BPTF: variants seen among roughly 807,000 people sequenced by gnomAD.
BPTF encodes the protein bromodomain PHD finger transcription factor.
Under a neutral mutation model 292.5 loss-of-function variants are expected in BPTF, and 18 were observed. The ratio of observed to expected loss-of-function variants is 0.06; its 90% CI spans 0.04 to 0.09. The LOEUF is 0.09. Among genes scored for constraint, BPTF ranks in the 10% least tolerant of loss-of-function variants. The pLI is 1.00. For missense variants in BPTF, 2,726 were observed against 3,498.7 expected, an observed-to-expected ratio of 0.78 and a Z score of 5.57; for synonymous variants, 1,225 against 1,251.9, an observed-to-expected ratio of 0.98 and a Z score of 0.45.
chr17:67,959,508 T>TA, intron 23 of BPTF, 33 bp from the exon 24 acceptor site: 1 of 1,474,702 alleles, frequency 6.8e-7, no homozygotes, highest in Middle Eastern at 1.8e-4. Context: ...ATGACTCTAA[T>TA]GATAGTCTTG....
chr17:67,940,880 T>C (rs2065306962), intron 19 of BPTF, among the ~76,000 whole-genome samples: 3 of 152,154 alleles, frequency 2.0e-5, no homozygotes. Flanking sequence ...AGATAACCCT[T>C]TTAAACACCA....
intron 27 of BPTF, chr17:67,981,620 G>T (rs2070374082): frequency 4.8e-6 from 5 of 1,031,908 alleles, no homozygotes; most frequent in Middle Eastern, 5.5e-4. Context: ...CAGCCATGTT[G>T]AACAATGTAT....
intron 2 of BPTF, among the ~76,000 whole-genome samples, chr17:67,861,606 A>T (rs534163278): frequency 6.6e-6 from 1 of 152,240 alleles, no homozygotes; most frequent in South Asian, 2.1e-4. Context: ...GTGAGCCACC[A>T]TGCCCAGCCA....
chr17:67,893,884 A>C, intron 6 of BPTF, 150 bp from the exon 7 acceptor site: 1 of 1,160,786 alleles, frequency 8.6e-7, no homozygotes, highest in Admixed American at 2.4e-5. Context: ...CTTCTAACTT[A>C]CTGAACCGAC....
At chr17:67,877,122 G>A (rs958618478) in intron 4 of BPTF, among the ~76,000 whole-genome samples, 1 of 152,200 alleles carries the variant, frequency 6.6e-6, no homozygotes, top group Non-Finnish European at 1.5e-5. Flanking sequence ...TGGTACTTTT[G>A]TAAAGTAGAT....
chr17:67,918,060 A>G (rs941891764), intron 11 of BPTF, among the ~76,000 whole-genome samples: 2 of 143,434 alleles, frequency 1.4e-5, no homozygotes, highest in African/African-American at 5.2e-5. Flanking sequence ...CGGCCTCCCA[A>G]AGTGCTGGGA....
intron 24 of BPTF, 107 bp from the exon 25 acceptor site, chr17:67,964,105 A>C (rs1167045596): frequency 1.2e-5 from 13 of 1,119,566 alleles, no homozygotes; most frequent in Non-Finnish European, 1.7e-5. Flanking sequence ...CATAATACTA[A>C]AACTATTTTA....
intron 9 of BPTF, among the ~76,000 whole-genome samples, chr17:67,907,256 ATTT>A (rs10706190): frequency 7.5e-6 from 1 of 133,162 alleles, no homozygotes; most frequent in Non-Finnish European, 1.6e-5. Context: ...GGGAGGCTTG[ATTT>A]TTTTTTTTTT....
chr17:67,941,940 TA>T (rs1249462548), intron 19 of BPTF, among the ~76,000 whole-genome samples: 3 of 152,138 alleles, frequency 2.0e-5, no homozygotes, highest in African/African-American at 4.8e-5. Flanking sequence ...GACTATTACA[TA>T]TCCAGAATAT....
chr17:67,860,726 T>C (rs2059023756), intron 2 of BPTF, among the ~76,000 whole-genome samples: 1 of 152,220 alleles, frequency 6.6e-6, no homozygotes, highest in Non-Finnish European at 1.5e-5. Flanking sequence ...CACAGCATTA[T>C]ATTTCATTTT....
At chr17:67,889,654 A>G (rs1251236212) in intron 4 of BPTF, among the ~76,000 whole-genome samples, 1 of 152,090 alleles carries the variant, frequency 6.6e-6, no homozygotes, top group Non-Finnish European at 1.5e-5. Flanking sequence ...CTAAAAATAC[A>G]AAAATTAGCT....
In BPTF at chr17:67,838,842, T is replaced by A. The variant is rs546857276; in HGVS notation, c.613+12505T>A. On this transcript the variant is annotated intron_variant, in intron 1 of 27. Transcript: ENST00000306378. ...AATTCATTTGCTAAATATTTTCACT[T>A]ATGCCATGAAATCAGATTTTATCTT... 3.7e-4 allele frequency among the ~76,000 whole-genome samples: 57 copies of A among 152,372 alleles called. No individual in the cohort carries two copies. The South Asian group carries it at 8.9e-3, about 24-fold the overall frequency.
intron 7 of BPTF, among the ~76,000 whole-genome samples, chr17:67,896,700 A>G (rs1373039939): frequency 6.6e-6 from 1 of 152,238 alleles, no homozygotes; most frequent in Non-Finnish European, 1.5e-5. Flanking sequence ...ACACTTCTAA[A>G]TAAATAAATA....
chr17:67,856,905 G>A (rs1443770915), intron 2 of BPTF, among the ~76,000 whole-genome samples: 1 of 152,074 alleles, frequency 6.6e-6, no homozygotes, highest in Non-Finnish European at 1.5e-5. Flanking sequence ...TAGACCTTTG[G>A]CAGCTTGAAG....
Position 67,964,275 on chromosome 17 carries a change from A to C in BPTF, c.8325A>C (p.Gln2775His). The stretch of plus-strand genomic sequence containing the variant: ...ATGGGCGCTGCGTTGGCATCTTGCA[A>C]AGTGAGGCAGAGCTCATTGATGAGT... ...WYHGRCVGIL[Q>H]SEAELIDEYV... Residue 2775 changes from glutamine (Q) to histidine (H), a missense_variant, in exon 25 of 28, where the codon CAA becomes CAC. Physicochemically the swap from Gln to His is conservative, Grantham distance 24. This residue lies in a region of BPTF where 48 missense variants were observed against 114.2 expected (regional missense o/e 0.42). Coordinates refer to ENST00000306378, the MANE Select transcript of BPTF (RefSeq NM_182641.4). 1 of 1,614,144 alleles carries C rather than the reference A, an allele frequency of 6.2e-7. No individual in the cohort carries two copies. The highest frequency in any genetic ancestry group is 2.2e-5 in the East Asian group (1 of 44,890).
intron 19 of BPTF, among the ~76,000 whole-genome samples, chr17:67,943,054 G>A (rs948732006): frequency 9.2e-5 from 14 of 152,022 alleles, no homozygotes; most frequent in African/African-American, 3.4e-4. Context: ...GATACATACC[G>A]AAGTAGTAAT....
intron 24 of BPTF, among the ~76,000 whole-genome samples, chr17:67,962,808 T>C (rs551497488): frequency 3.7e-4 from 56 of 152,378 alleles, no homozygotes; most frequent in African/African-American, 1.3e-3. Flanking sequence ...ATTTATCTTC[T>C]ACACCTGGCT....
At chr17:67,868,742 A>G (rs1019122143) in intron 3 of BPTF, among the ~76,000 whole-genome samples, 8 of 152,164 alleles carry the variant, frequency 5.3e-5, no homozygotes, top group Admixed American at 2.0e-4. Flanking sequence ...GAATGTTTAT[A>G]TTTAATAAAG....
chr17:67,892,287 A>G (rs1339218831), intron 5 of BPTF, among the ~76,000 whole-genome samples: 3 of 152,254 alleles, frequency 2.0e-5, no homozygotes, highest in South Asian at 4.1e-4. Flanking sequence ...CTACATGAAC[A>G]GTTTTATTCT....
Sources: gnomAD v4.1 joint callset for allele counts (sites outside exome capture counted in the v4.1 genomes callset) on GRCh38, gnomAD v4.1.1 for gene constraint, gnomAD v4.1.1 regional missense constraint, MANE v1.5 for transcripts, NCBI Gene and HGNC (gene_info 2026-07-23, HGNC 2026-07-21) for gene names.